The following PRKN variants were observed in gnomAD, a reference collection of about 807,000 sequenced individuals.
PRKN encodes parkin RBR E3 ubiquitin protein ligase, also known as E3 ubiquitin-protein ligase parkin.
PRKN carries 56 observed loss-of-function variants against 59.5 expected under a neutral mutation model. The observed-to-expected ratio is 0.94, with a 90% confidence interval of 0.76 to 1.18. The LOEUF (loss-of-function observed/expected upper bound fraction) is 1.18, where lower values mean the gene tolerates loss of function less well. Among genes scored for constraint, PRKN ranks in the 50% most tolerant of loss-of-function variants. The pLI is 0.00. For missense variants in PRKN, 657 were observed against 596.4 expected, an observed-to-expected ratio of 1.10 and a Z score of -1.06; for synonymous variants, 250 against 222.1, an observed-to-expected ratio of 1.13 and a Z score of -1.12.
At chr6:161,572,982 T>C (rs1241692370) in intron 7 of PRKN, among the ~76,000 whole-genome samples, 1 of 152,230 alleles carries the variant, frequency 6.6e-6, no homozygotes, top group Non-Finnish European at 1.5e-5. Flanking sequence ...AGTCAGTTCC[T>C]GTGCTTTGGA....
At chr6:161,926,349 C>T (rs994401177) in intron 6 of PRKN, among the ~76,000 whole-genome samples, 1 of 152,210 alleles carries the variant, frequency 6.6e-6, no homozygotes, top group African/African-American at 2.4e-5. Flanking sequence ...TAGCGGGAGT[C>T]GCAGATTCAG....
At position 161,645,930 on chromosome 6, in the gene PRKN, CGTGT is replaced by C. The variant is rs1173421921; in HGVS notation, c.872-76518_872-76515del. On this transcript the variant is annotated intron_variant, in intron 7 of 11. Transcript: ENST00000366898. ...GGCGTATCAGTGACAGTGGTGACTG[CGTGT>C]GCATGCGTGGCGGAGGAGGTGGCGT... Among the ~76,000 whole-genome samples the C allele has an allele frequency of 1.5e-4, 22 of 150,114 alleles. 2 individuals carry two copies. The highest frequency in any genetic ancestry group is 4.2e-4 in the South Asian group (2 of 4,738).
chr6:162,217,600 C>G (rs909629778), intron 3 of PRKN, among the ~76,000 whole-genome samples: 1 of 152,172 alleles, frequency 6.6e-6, no homozygotes, highest in African/African-American at 2.4e-5. Flanking sequence ...CCATGTTGGT[C>G]AGGCTGGTTT....
At chr6:161,972,245 G>C (rs1161278808) in intron 6 of PRKN, among the ~76,000 whole-genome samples, 1 of 146,222 alleles carries the variant, frequency 6.8e-6, no homozygotes, top group African/African-American at 2.6e-5. Flanking sequence ...TTGCACTCCA[G>C]CCTGAGCAAC....
chr6:161,807,163 T>C (rs913024667), intron 6 of PRKN, among the ~76,000 whole-genome samples: 2 of 152,220 alleles, frequency 1.3e-5, no homozygotes, highest in African/African-American at 4.8e-5. Flanking sequence ...ACGAGCAATA[T>C]TCTGTTGCTA....
chr6:162,643,899 A>C (rs1778064883), intron 1 of PRKN: 1 of 152,098 alleles, frequency 6.6e-6, no homozygotes, highest in Non-Finnish European at 1.5e-5. Flanking sequence ...GACTTCCATA[A>C]TTTTTCAAAT....
At chr6:162,569,215 C>T (rs1562394117) in intron 1 of PRKN, 1 of 567,944 alleles carries the variant, frequency 1.8e-6, no homozygotes, top group Admixed American at 2.4e-5. Context: ...TGAACTGGAA[C>T]ATCAGCCAGC....
At chr6:161,818,861 G>A (rs1791901082) in intron 6 of PRKN, among the ~76,000 whole-genome samples, 1 of 152,102 alleles carries the variant, frequency 6.6e-6, no homozygotes, top group African/African-American at 2.4e-5. Context: ...GGGTAAGATA[G>A]GGAAGGTCAA....
At chr6:161,894,256 C>G (rs73785462) in intron 6 of PRKN, among the ~76,000 whole-genome samples, 2,420 of 152,252 alleles carry the variant, frequency 0.016, 62 homozygotes, top group African/African-American at 0.054. Context: ...GAATTCCTTT[C>G]CTTTTCTACT....
At chr6:161,565,073 T>C (rs769319903) in intron 8 of PRKN, among the ~76,000 whole-genome samples, 6 of 152,200 alleles carry the variant, frequency 3.9e-5, no homozygotes, top group Non-Finnish European at 8.8e-5. Context: ...ATCTGGGTTC[T>C]CTGCTTGCCC....
chr6:162,438,408 CCT>C (rs900319634), intron 2 of PRKN, among the ~76,000 whole-genome samples: 2 of 152,072 alleles, frequency 1.3e-5, no homozygotes, highest in African/African-American at 4.8e-5. Context: ...TTCCAAAATT[CCT>C]TTTTTTGTTG....
Position 161,785,834 on chromosome 6 carries a change from G to C in PRKN, c.809C>G (p.Thr270Arg), listed in dbSNP as rs1790393596. Residue 270 changes from threonine (T) to arginine (R), a missense_variant, in exon 7 of 12, where the codon ACA becomes AGA. Physicochemically the swap from Thr to Arg is moderately conservative, Grantham distance 71 (BLOSUM62 -1). Coordinates refer to ENST00000366898, the MANE Select transcript of PRKN (RefSeq NM_004562.3). ...AACAAACTGCCGATCATTGAGTCTT[G>C]TCACACAGTATAAGTGGAAACAGTC... is the stretch of plus-strand genomic sequence containing the variant. ...CLDCFHLYCV[T>R]RLNDRQFVHD... is the part of the protein sequence containing the mutation. The C allele has an allele frequency of 1.9e-6, 3 of 1,613,992 alleles. No individual in the cohort carries two copies. Among genetic ancestry groups the C allele is most frequent in the Non-Finnish European group, 2.5e-6 (3 of 1,179,986 alleles).
intron 3 of PRKN, among the ~76,000 whole-genome samples, chr6:162,223,612 GACAC>G (rs34881644): frequency 0.05 from 6,414 of 129,154 alleles, 163 homozygotes; most frequent in Non-Finnish European, 0.053. Flanking sequence ...ATAGACACGT[GACAC>G]ACACACACAC....
At chr6:161,434,767 T>C (rs1051135141) in intron 9 of PRKN, among the ~76,000 whole-genome samples, 2 of 152,134 alleles carry the variant, frequency 1.3e-5, no homozygotes, top group Admixed American at 1.3e-4. Flanking sequence ...ATTTGAAACA[T>C]GAAAATCTTC....
At chr6:162,366,365 A>T (rs534884785) in intron 2 of PRKN, among the ~76,000 whole-genome samples, 1 of 152,332 alleles carries the variant, frequency 6.6e-6, no homozygotes, top group East Asian at 1.9e-4. Context: ...TCTTATATCC[A>T]AATGGGATTT....
In PRKN at chr6:161,413,204, T is replaced by C. The variant is rs1015968193; in HGVS notation, c.1084-26327A>G. Among the ~76,000 whole-genome samples the C allele has an allele frequency of 1.3e-5, 2 of 152,274 alleles. No individual in the cohort carries two copies. The highest frequency in any genetic ancestry group is 4.1e-4 in the South Asian group (2 of 4,826). On this transcript the variant is annotated intron_variant, in intron 9 of 11. Transcript: ENST00000366898. The surrounding 1 kb of genome is among the most constrained non-coding windows in gnomAD (Gnocchi z 4.4). ...GGTCGTGGGACCCCTTCCCATTTAT[T>C]TGTGGAAACCCACTGTCTCCCGGAC...
intron 6 of PRKN, among the ~76,000 whole-genome samples, chr6:161,857,785 C>T (rs1457021207): frequency 6.6e-6 from 1 of 152,232 alleles, no homozygotes; most frequent in Non-Finnish European, 1.5e-5. Flanking sequence ...CCAAGTGTGA[C>T]TTCAAGTAAT....
rs150283652 is a variant in PRKN at position 161,687,205 on chromosome 6, G to T, written c.871+98567C>A. Among the ~76,000 whole-genome samples, 764 of 151,626 alleles carry T rather than the reference G, an allele frequency of 5.0e-3. 11 individuals are homozygous for T. The highest frequency in any genetic ancestry group is 0.018 in the African/African-American group (730 of 41,394). ...AGTTCGAGACTAGTCTGGCCAACAT[G>T]GTGAAACTCTGTCTCTACTAAAAAT... is the stretch of plus-strand genomic sequence containing the variant. On this transcript the variant is annotated intron_variant, in intron 7 of 11. Transcript: ENST00000366898.
At position 161,360,141 on chromosome 6, in the gene PRKN, A is replaced by G; in HGVS notation, c.1232T>C (p.Ile411Thr). Reference protein sequence around the residue: ...ARWEAASKETIKKTTKPCPRC... With the variant: ...ARWEAASKETTKKTTKPCPRC... Reference sequence around the variant, plus strand: ...GGGACAGGGCTTGGTGGTTTTCTTGATGGTTTCTTTGGAGGCTGCTTCCCA... The same window carrying G: ...GGGACAGGGCTTGGTGGTTTTCTTGGTGGTTTCTTTGGAGGCTGCTTCCCA... The change falls in exon 11 of 12, where the codon ATC (isoleucine) becomes ACC (threonine). Residue 411 changes from isoleucine to threonine, a missense_variant. Physicochemically the swap from Ile to Thr is moderately conservative, Grantham distance 89. Transcript: ENST00000366898. The surrounding 1 kb of genome is among the most constrained non-coding windows in gnomAD (Gnocchi z 5.1). 6.2e-7 allele frequency: 1 copy of G among 1,613,778 alleles called. No homozygotes were observed. The highest frequency in any genetic ancestry group is 8.5e-7 in the Non-Finnish European group (1 of 1,179,790).
Sources: gnomAD v4.1 joint callset for allele counts (sites outside exome capture counted in the v4.1 genomes callset) on GRCh38, gnomAD v4.1.1 for gene constraint, Gnocchi (gnomAD v3.1) non-coding constraint, MANE v1.5 for transcripts, NCBI Gene and HGNC (gene_info 2026-07-23, HGNC 2026-07-21) for gene names.